Variants in TANC2 observed in about 807,000 individuals in gnomAD.
The protein encoded by TANC2 is tetratricopeptide repeat, ankyrin repeat and coiled-coil containing 2.
TANC2 carries 26 observed loss-of-function variants against 210.5 expected under a neutral mutation model. That is an observed-to-expected ratio of 0.12 (90% CI 0.09 to 0.17). The LOEUF (loss-of-function observed/expected upper bound fraction) is 0.17. TANC2 is among the 10% of genes least tolerant of loss of function. TANC2 has a pLI of 1.00. For synonymous variants in TANC2, 931 were observed against 967.1 expected, an observed-to-expected ratio of 0.96 and a Z score of 0.69; for missense variants, 2,129 against 2,608.9, an observed-to-expected ratio of 0.82 and a Z score of 4.01.
At chr17:63,353,044 G>T (rs1205095403) in intron 13 of TANC2, among the ~76,000 whole-genome samples, 1 of 152,090 alleles carries the variant, frequency 6.6e-6, no homozygotes, top group Non-Finnish European at 1.5e-5. Context: ...TATAGGAAAG[G>T]CCTCTCGTTT....
intron 11 of TANC2, chr17:63,339,193 T>C (rs2046142840): frequency 6.6e-6 from 1 of 152,288 alleles, no homozygotes; most frequent in African/African-American, 2.4e-5. Context: ...CTGAGCACCA[T>C]GCTGAGTGCT....
intron 7 of TANC2, among the ~76,000 whole-genome samples, chr17:63,216,112 G>A (rs963106531): frequency 9.2e-5 from 14 of 151,980 alleles, no homozygotes; most frequent in Admixed American, 8.5e-4. Flanking sequence ...GCAATGGTGC[G>A]ATCTCGGCTC....
Position 63,341,268 on chromosome 17 carries a change from C to T in TANC2, c.1807+936C>T, listed in dbSNP as rs28415412. On this transcript the variant is annotated intron_variant, in intron 12 of 27. Transcript: ENST00000689528. Reference sequence around the variant, plus strand: ...TCTTTCTCCTCTACTCTGATGACCTCTGTCACTACCTTTGCTACCTGTTAC... The same window carrying T: ...TCTTTCTCCTCTACTCTGATGACCTTTGTCACTACCTTTGCTACCTGTTAC... 7.3e-3 allele frequency among the ~76,000 whole-genome samples: 1,107 copies of T among 152,352 alleles called. 15 individuals are homozygous for T. The highest frequency in any genetic ancestry group is 0.026 in the African/African-American group (1,065 of 41,584).
chr17:63,202,420 G>A (rs1043309652), intron 7 of TANC2, among the ~76,000 whole-genome samples: 8 of 152,048 alleles, frequency 5.3e-5, no homozygotes, highest in Non-Finnish European at 1.2e-4. Flanking sequence ...ATAGCCTCCA[G>A]CAGCTTTATG....
At chr17:63,036,027 T>G (rs927882395) in intron 2 of TANC2, among the ~76,000 whole-genome samples, 2 of 152,194 alleles carry the variant, frequency 1.3e-5, no homozygotes, top group African/African-American at 4.8e-5. Context: ...TGCCCATTTT[T>G]TATTTGGTTG....
intron 1 of TANC2, among the ~76,000 whole-genome samples, chr17:62,988,111 A>G (rs562761994): frequency 1.3e-5 from 2 of 152,234 alleles, no homozygotes; most frequent in African/African-American, 2.4e-5. Context: ...TCTGTTTTCA[A>G]GATGTCTTAG....
At chr17:63,220,049 CTG>C (rs1355786043) in intron 7 of TANC2, among the ~76,000 whole-genome samples, 1 of 152,044 alleles carries the variant, frequency 6.6e-6, no homozygotes. Flanking sequence ...AGTCCCAACA[CTG>C]TGGGAGGTCG....
chr17:63,215,670 T>C (rs752385558), intron 7 of TANC2, among the ~76,000 whole-genome samples: 5 of 152,194 alleles, frequency 3.3e-5, no homozygotes, highest in Non-Finnish European at 7.4e-5. Context: ...GGAAAAGGCA[T>C]GCCAGGAAAA....
At chr17:63,405,147 C>A (rs1430147144) in exon 20 of TANC2, 1 of 1,613,060 alleles carries the variant, frequency 6.2e-7, no homozygotes, top group Non-Finnish European at 8.5e-7. Context: ...CCGGAAGGGG[C>A]AAACTGGAGG....
intron 1 of TANC2, among the ~76,000 whole-genome samples, chr17:63,003,899 G>T (rs1038076011): frequency 6.6e-6 from 1 of 151,174 alleles, no homozygotes; most frequent in African/African-American, 2.4e-5. Flanking sequence ...TAATTTGTTT[G>T]TTTTTTTTCA....
At chr17:63,082,776 G>A (rs1055946436) in intron 3 of TANC2, among the ~76,000 whole-genome samples, 6 of 152,098 alleles carry the variant, frequency 3.9e-5, no homozygotes, top group African/African-American at 1.4e-4. Flanking sequence ...ATGAGGGTAG[G>A]GTAGAGTGGC....
At chr17:63,422,136 C>G in exon 28 of TANC2, 1 of 681,566 alleles carries the variant, frequency 1.5e-6, no homozygotes, top group Non-Finnish European at 2.4e-6. Flanking sequence ...CTCCCGGGAG[C>G]CAGGACTTCA....
At chr17:63,093,853 T>A (rs113548922) in intron 3 of TANC2, among the ~76,000 whole-genome samples, 4,485 of 152,088 alleles carry the variant, frequency 0.029, 83 homozygotes, top group South Asian at 0.037. Flanking sequence ...AGCTCAAGCA[T>A]TTCTTCTGTC....
chr17:63,086,013 A>G (rs936164349), intron 3 of TANC2, among the ~76,000 whole-genome samples: 1 of 151,606 alleles, frequency 6.6e-6, no homozygotes, highest in Non-Finnish European at 1.5e-5. Flanking sequence ...TCTGCAGGGT[A>G]TAGAATTCTA....
At chr17:63,417,266 C>T (rs2048893006) in intron 26 of TANC2, among the ~76,000 whole-genome samples, 1 of 152,288 alleles carries the variant, frequency 6.6e-6, no homozygotes, top group East Asian at 1.9e-4. Context: ...TTGTTCTGCC[C>T]AAGGCCTTGT....
intron 14 of TANC2, among the ~76,000 whole-genome samples, chr17:63,370,533 A>T (rs570515119): frequency 6.6e-6 from 1 of 152,162 alleles, no homozygotes; most frequent in Non-Finnish European, 1.5e-5. Context: ...TCTGTTAGCA[A>T]TCCCTCATAA....
At chr17:63,252,759 G>A (rs1206704785) in intron 8 of TANC2, among the ~76,000 whole-genome samples, 1 of 152,028 alleles carries the variant, frequency 6.6e-6, no homozygotes, top group Non-Finnish European at 1.5e-5. Context: ...TTCATTGTGT[G>A]TATGTACCAC....
At chr17:63,167,884 CAAAAAAAAAAAA>C (rs760465295) in intron 5 of TANC2, among the ~76,000 whole-genome samples, 3 of 63,992 alleles carry the variant, frequency 4.7e-5, no homozygotes, top group African/African-American at 1.9e-4. Context: ...GACTCTGTCT[CAAAAAAAAAAAA>C]AAAAAAAAAA....
rs568251679 is a variant in TANC2, at chr17:63,375,846, T to C, written c.2583-3872T>C. On this transcript the variant is annotated intron_variant, in intron 14 of 27. Coordinates refer to ENST00000689528, the Ensembl canonical transcript of TANC2. ...GGCTCATGCTTGTAATCCCAGCATT[T>C]TGGGAGGCTGAGGTGGCCAGATCAT... 1.6e-4 allele frequency among the ~76,000 whole-genome samples: 25 copies of C among 152,302 alleles called. No individual in the cohort carries two copies. In the South Asian group the frequency reaches 5.2e-3, roughly 32 times the overall value.
Sources: gnomAD v4.1 joint callset for allele counts (sites outside exome capture counted in the v4.1 genomes callset) on GRCh38, gnomAD v4.1.1 for gene constraint, MANE v1.5 for transcripts, NCBI Gene and HGNC (gene_info 2026-07-23, HGNC 2026-07-21) for gene names.